The following ZNF609 variants were observed in gnomAD, a reference collection of about 807,000 sequenced individuals.
The protein encoded by ZNF609 is zinc finger protein 609.
In ZNF609, 11 loss-of-function variants were observed where a neutral mutation model predicts 109.5. The ratio of observed to expected loss-of-function variants is 0.10; its 90% confidence interval spans 0.06 to 0.17. The LOEUF is 0.17. ZNF609 is among the 10% of genes least tolerant of loss of function. The probability of loss-of-function intolerance (pLI) is 1.00; values close to 1 mark genes in which losing one functional copy is unlikely to be tolerated. For missense variants in ZNF609, 1,559 were observed against 1,772.4 expected, an observed-to-expected ratio of 0.88 and a Z score of 2.16; for synonymous variants, 646 against 662.0, an observed-to-expected ratio of 0.98 and a Z score of 0.37.
intron 2 of ZNF609, among the ~76,000 whole-genome samples, chr15:64,524,578 A>G (rs370055635): frequency 0.066 from 9,448 of 143,948 alleles, 317 homozygotes; most frequent in South Asian, 0.093. Flanking sequence ...AAAAAAAAAA[A>G]GGGGGGGGCC....
chr15:64,578,135 A>G (rs2140423215), intron 2 of ZNF609, among the ~76,000 whole-genome samples: 1 of 152,180 alleles, frequency 6.6e-6, no homozygotes, highest in African/African-American at 2.4e-5. Context: ...TAAAAGTTTA[A>G]GATTTATTTA....
At chr15:64,596,561 G>C (rs1188191295) in intron 2 of ZNF609, among the ~76,000 whole-genome samples, 1 of 152,158 alleles carries the variant, frequency 6.6e-6, no homozygotes, top group African/African-American at 2.4e-5. Context: ...TTGGGCCTCA[G>C]TTTAAATCCA....
At chr15:64,512,781 G>T (rs1255867122) in intron 2 of ZNF609, among the ~76,000 whole-genome samples, 1 of 151,990 alleles carries the variant, frequency 6.6e-6, no homozygotes, top group Non-Finnish European at 1.5e-5. Flanking sequence ...AATGCTAATT[G>T]TTATCAAAGA....
chr15:64,560,138 C>G (rs190243069), intron 2 of ZNF609, among the ~76,000 whole-genome samples: 33 of 152,248 alleles, frequency 2.2e-4, no homozygotes, highest in African/African-American at 7.5e-4. Flanking sequence ...CTCCACCTCC[C>G]AGGTTCAAGT....
chr15:64,609,933 C>T (rs1217236010), intron 2 of ZNF609, among the ~76,000 whole-genome samples: 2 of 151,896 alleles, frequency 1.3e-5, no homozygotes, highest in African/African-American at 4.8e-5. Context: ...GAGGCTGAGG[C>T]ATGAGAATTG....
At chr15:64,604,630 C>G (rs1895564417) in intron 2 of ZNF609, among the ~76,000 whole-genome samples, 1 of 151,972 alleles carries the variant, frequency 6.6e-6, no homozygotes, top group South Asian at 2.1e-4. Flanking sequence ...ATGTAGTGGT[C>G]AGGACTTTTT....
chr15:64,465,628 A>G (rs1315126683), intron 1 of ZNF609, among the ~76,000 whole-genome samples: 2 of 151,228 alleles, frequency 1.3e-5, no homozygotes, highest in Non-Finnish European at 3.0e-5. Flanking sequence ...TGATCCACCC[A>G]CCTCGGCCTC....
At position 64,681,288 on chromosome 15, in the gene ZNF609, CAT is replaced by C. The variant is rs1461306809; in HGVS notation, c.4163-20_4163-19del. 2 of 1,612,216 alleles carry C rather than the reference CAT, an allele frequency of 1.2e-6. No individual in the cohort carries two copies. Among genetic ancestry groups the C allele is most frequent in the South Asian group, 1.1e-5 (1 of 91,006 alleles). ...AAGGTTTCTGTGAGTGCTACACTAA[CAT>C]GTTCTCCTGCTTATTCAGGGCTTTC... On this transcript the variant is annotated intron_variant, in intron 8 of 9. Transcript: ENST00000326648.
intron 3 of ZNF609, among the ~76,000 whole-genome samples, chr15:64,633,155 TTTTG>T (rs1896112217): frequency 6.6e-6 from 1 of 151,552 alleles, no homozygotes. Flanking sequence ...TTTTGTTTTG[TTTTG>T]TTTTTTGACA....
At chr15:64,665,236 T>A (rs184236247) in intron 3 of ZNF609, among the ~76,000 whole-genome samples, 9 of 152,240 alleles carry the variant, frequency 5.9e-5, no homozygotes, top group African/African-American at 9.6e-5. Context: ...TTATCTAAGG[T>A]GAAGGTAACA....
intron 2 of ZNF609, among the ~76,000 whole-genome samples, chr15:64,617,099 C>T (rs1051916888): frequency 1.3e-5 from 2 of 151,746 alleles, no homozygotes; most frequent in Non-Finnish European, 2.9e-5. Context: ...TGAGCCACTG[C>T]GTCCGGCCTT....
intron 2 of ZNF609, among the ~76,000 whole-genome samples, chr15:64,515,998 C>T (rs1439218294): frequency 3.3e-5 from 5 of 150,934 alleles, no homozygotes; most frequent in East Asian, 3.9e-4. Context: ...AAGAAAAGAT[C>T]GACTTGTTTA....
chr15:64,616,302 AT>A (rs1306292378), intron 2 of ZNF609, among the ~76,000 whole-genome samples: 1 of 151,224 alleles, frequency 6.6e-6, no homozygotes, highest in African/African-American at 2.4e-5. Flanking sequence ...CCTTCAGTGT[AT>A]TTTCTACCTG....
chr15:64,479,318 G>C, intron 1 of ZNF609, among the ~76,000 whole-genome samples: 1 of 112,764 alleles, frequency 8.9e-6, no homozygotes, highest in East Asian at 2.7e-4. Context: ...TTGAGACAGA[G>C]TCTCGCCCTG....
intron 1 of ZNF609, among the ~76,000 whole-genome samples, chr15:64,469,106 G>A (rs1450673598): frequency 7.5e-5 from 10 of 133,332 alleles, no homozygotes; most frequent in African/African-American, 2.5e-4. Flanking sequence ...TCTACTAAAA[G>A]TACAAAATTA....
At chr15:64,468,609 TCCA>T (rs1252218460) in intron 1 of ZNF609, among the ~76,000 whole-genome samples, 65 of 152,196 alleles carry the variant, frequency 4.3e-4, no homozygotes, top group African/African-American at 1.5e-3. Context: ...GCCACTGCAC[TCCA>T]GTCTGGTTGC....
Position 64,479,284 on chromosome 15 carries a change from A to ATTTTTT in ZNF609, c.-128+18466_-128+18471dup, listed in dbSNP as rs34496032. On this transcript the variant is annotated intron_variant, in intron 1 of 9. Coordinates refer to ENST00000326648, the MANE Select transcript of ZNF609 (RefSeq NM_015042.2). ...AAAACCTATATATTGTACCTGTGTG[A>ATTTTTT]TTTTTTTTTTTTTTTTTTTTTTTTT... Among the ~76,000 whole-genome samples, 78 of 86,528 alleles carry ATTTTTT rather than the reference A, an allele frequency of 9.0e-4. 2 individuals carry two copies. Among genetic ancestry groups the ATTTTTT allele is most frequent in the African/African-American group, 2.7e-3 (52 of 19,504 alleles). 56.8% of individuals were successfully genotyped at this position (86,528 alleles called of 152,430 possible). A position where few individuals can be genotyped will look rare whatever the true frequency, so the allele number is the denominator to read the frequency against.
chr15:64,596,160 T>C (rs910139399), intron 2 of ZNF609, among the ~76,000 whole-genome samples: 5 of 151,706 alleles, frequency 3.3e-5, no homozygotes, highest in African/African-American at 1.2e-4. Context: ...GCTCTTTCTT[T>C]TTTTCTTTTG....
rs751230375 is a variant in ZNF609 at position 64,675,468 on chromosome 15, A to G, written c.2614A>G (p.Lys872Glu). 6.2e-7 allele frequency: 1 copy of G among 1,614,182 alleles called. No individual in the cohort carries two copies. Among genetic ancestry groups the G allele is most frequent in the Non-Finnish European group, 8.5e-7 (1 of 1,180,040 alleles). The change falls in exon 5 of 10, where the codon AAA becomes GAA. Residue 872 changes from lysine (K) to glutamate (E), a missense_variant. Transcript: ENST00000326648. ...VKSKDAEQLV[K>E]EGAKKTLFPP... ...ATCAAAGGACGCCGAACAGTTGGTT[A>G]AAGAAGGGGCTAAGAAAACTCTTTT...
Sources: allele counts gnomAD v4.1 joint callset (sites outside exome capture counted in the v4.1 genomes callset), GRCh38; gene constraint gnomAD v4.1.1; transcripts MANE v1.5; gene names NCBI Gene and HGNC (gene_info 2026-07-23, HGNC 2026-07-21).